SP140: variants seen among roughly 807,000 people sequenced by gnomAD.
SP140 encodes the protein nuclear body protein SP140.
In SP140, 81 loss-of-function variants were observed where a neutral mutation model predicts 125.0. The ratio of observed to expected loss-of-function variants is 0.65; its 90% confidence interval spans 0.54 to 0.78. The LOEUF is 0.78. Among genes scored for constraint, SP140 ranks in the 30% least tolerant of loss-of-function variants. SP140 has a pLI of 0.00. For synonymous variants in SP140, 312 were observed against 354.0 expected (o/e 0.88, Z 1.33); for missense variants, 858 against 1,037.0 (o/e 0.83, Z 2.37).
intron 3 of SP140, chr2:230,220,126 G>C (rs2045679919): frequency 1.0e-6 from 1 of 976,336 alleles, no homozygotes; most frequent in African/African-American, 1.8e-5. Flanking sequence ...AGGCTCCCAG[G>C]ACGTCTTGGC....
chr2:230,232,374 C>G (rs1206711411), intron 1 of SP140, among the ~76,000 whole-genome samples: 2 of 152,152 alleles, frequency 1.3e-5, no homozygotes, highest in Non-Finnish European at 2.9e-5. Context: ...TCTGGATTTG[C>G]CTGTATCTCC....
chr2:230,248,877 A>C lies in SP140; in HGVS notation c.893-8A>C. On this transcript the variant is annotated splice_polypyrimidine_tract_variant and splice_region_variant and intron_variant, in intron 8 of 26. Coordinates refer to ENST00000392045, the MANE Select transcript of SP140 (RefSeq NM_007237.5). ...TCTGTGGTCTGTCAATTTCTTGTTT[A>C]TCTGCAGAGACCTTTGATCTAAAAA... 6.2e-7 allele frequency: 1 copy of C among 1,609,258 alleles called. No homozygotes were observed. Among genetic ancestry groups the C allele is most frequent in the South Asian group, 1.1e-5 (1 of 90,968 alleles).
At chr2:230,208,563 C>A (rs989648758) in intron 1 of SP140, among the ~76,000 whole-genome samples, 2 of 152,142 alleles carry the variant, frequency 1.3e-5, no homozygotes, top group Non-Finnish European at 2.9e-5. Flanking sequence ...GGATTCTCAT[C>A]TGATATCTCC....
At chr2:230,197,826 T>C in the SP140 span, among the ~76,000 whole-genome samples, 1 of 152,194 alleles carries the variant, frequency 6.6e-6, no homozygotes, top group Non-Finnish European at 1.5e-5. Flanking sequence ...AATTTTCTTT[T>C]TCTTTGTTTT....
chr2:230,294,454 T>G, intron 21 of SP140, 136 bp downstream of exon 21: 1 of 640,512 alleles, frequency 1.6e-6, no homozygotes, highest in Non-Finnish European at 2.7e-6. Context: ...TTAAAATACT[T>G]TTTGCATGTA....
upstream of SP140, among the ~76,000 whole-genome samples, chr2:230,198,951 C>A (rs891883587): frequency 2.0e-5 from 3 of 151,932 alleles, no homozygotes; most frequent in African/African-American, 7.3e-5. Flanking sequence ...TTGACTTTGC[C>A]ATTTTCTCTT....
At chr2:230,268,018 C>T (rs575450745) in intron 12 of SP140, among the ~76,000 whole-genome samples, 1 of 152,258 alleles carries the variant, frequency 6.6e-6, no homozygotes, top group East Asian at 1.9e-4. Context: ...TGACCACCAG[C>T]TGTTTGCTTT....
rs1184999615 is a variant in SP140, at chr2:230,310,524, C to A, written c.2175-219C>A. On this transcript the variant is annotated intron_variant, in intron 23 of 26. Transcript: ENST00000392045. ...AGGAGAGTCCACACTCACGGTGACA[C>A]CACCTTCCTCAGACTTCCTGCCTGC... 5 of 1,055,764 alleles carry A rather than the reference C, an allele frequency of 4.7e-6. No individual in the cohort carries two copies. In the East Asian group the frequency reaches 1.1e-4, roughly 23 times the overall value. The allele number at this position is 1,055,764 out of a possible 1,614,324, so 65.4% of individuals were successfully genotyped here.
intron 15 of SP140, among the ~76,000 whole-genome samples, chr2:230,276,306 G>T: frequency 6.6e-6 from 1 of 152,142 alleles, no homozygotes; most frequent in Non-Finnish European, 1.5e-5. Context: ...TTCCCTTGAA[G>T]CCAATACTCA....
intron 1 of SP140, chr2:230,213,029 T>C: frequency 6.2e-7 from 1 of 1,613,804 alleles, no homozygotes; most frequent in Non-Finnish European, 8.5e-7. Context: ...AAGCACCAAC[T>C]GGGATTGGTG....
the SP140 span, among the ~76,000 whole-genome samples, chr2:230,194,894 TG>T: frequency 6.6e-6 from 1 of 152,116 alleles, no homozygotes; most frequent in Non-Finnish European, 1.5e-5. Flanking sequence ...CTTCCTTTGT[TG>T]GGGAGTCTAC....
chr2:230,192,734 C>T, the SP140 span, among the ~76,000 whole-genome samples: 262 of 152,242 alleles, frequency 1.7e-3, no homozygotes, highest in Non-Finnish European at 3.0e-3. Context: ...CAATGTTATT[C>T]CCATCAAACT....
intron 15 of SP140, among the ~76,000 whole-genome samples, chr2:230,271,312 G>T (rs1470497526): frequency 6.6e-6 from 1 of 152,182 alleles, no homozygotes; most frequent in East Asian, 1.9e-4. Flanking sequence ...GAGGCTGGAA[G>T]AATTTTAGAT....
In SP140 at chr2:230,250,518, A is replaced by C. The variant is rs187387520; in HGVS notation, c.977-463A>C. 4.0e-3 allele frequency among the ~76,000 whole-genome samples: 613 copies of C among 152,236 alleles called. 11 individuals carry two copies. The highest frequency in any genetic ancestry group is 2.7e-3 in the East Asian group (14 of 5,186). On this transcript the variant is annotated intron_variant, in intron 9 of 26. Coordinates refer to ENST00000392045, the MANE Select transcript of SP140 (RefSeq NM_007237.5). The stretch of plus-strand genomic sequence containing the variant: ...TTTCCTTATCTGGTTCATTTCCACC[A>C]TCCCAAGGATGCCTTTCCTGATGCC...
intron 3 of SP140, among the ~76,000 whole-genome samples, chr2:230,239,981 A>T (rs2048496887): frequency 1.3e-5 from 2 of 152,126 alleles, no homozygotes; most frequent in Admixed American, 1.3e-4. Flanking sequence ...TCCACATCTC[A>T]TATGTTAGTA....
chr2:230,226,578 C>G (rs989148844), intron 1 of SP140, among the ~76,000 whole-genome samples: 1 of 151,982 alleles, frequency 6.6e-6, no homozygotes, highest in East Asian at 1.9e-4. Flanking sequence ...GTCTGACCAA[C>G]GTGGAGAAAC....
At chr2:230,269,408 A>AT in intron 12 of SP140, 124 bp from the exon 13 acceptor site, 1 of 684,454 alleles carries the variant, frequency 1.5e-6, no homozygotes, top group Non-Finnish European at 2.7e-6. Flanking sequence ...GAGCAGGTAT[A>AT]TTTTTTTCCA....
chr2:230,243,309 A>C (rs2048969293), intron 4 of SP140, among the ~76,000 whole-genome samples: 1 of 152,218 alleles, frequency 6.6e-6, no homozygotes, highest in Non-Finnish European at 1.5e-5. Context: ...GAAAGCTAGA[A>C]AGGCACAATT....
intron 3 of SP140, among the ~76,000 whole-genome samples, chr2:230,219,220 G>A (rs1264135074): frequency 4.6e-5 from 7 of 152,142 alleles, no homozygotes; most frequent in Non-Finnish European, 7.3e-5. Flanking sequence ...GCGAGACTCC[G>A]TCTCAGAAAA....
Sources: gnomAD v4.1 joint callset for allele counts (sites outside exome capture counted in the v4.1 genomes callset) on GRCh38, gnomAD v4.1.1 for gene constraint, MANE v1.5 for transcripts, NCBI Gene and HGNC (gene_info 2026-07-23, HGNC 2026-07-21) for gene names.